DLG2: variants seen among roughly 807,000 people sequenced by gnomAD.
DLG2 encodes the protein discs large MAGUK scaffold protein 2.
DLG2 carries 45 observed loss-of-function variants against 132.5 expected under a neutral mutation model. The ratio of observed to expected loss-of-function variants is 0.34; its 90% CI spans 0.27 to 0.44. DLG2 has a LOEUF of 0.44. Ranked by LOEUF, DLG2 falls within the 20% of genes least tolerant of loss-of-function variation. The pLI, the probability that DLG2 is intolerant of heterozygous loss-of-function variation, is 1.00. For synonymous variants in DLG2, 424 were observed against 419.6 expected (o/e 1.01, Z -0.13); for missense variants, 1,045 against 1,196.9 (o/e 0.87, Z 1.87).
At chr11:84,797,146 C>T (rs2074743749) in intron 6 of DLG2, among the ~76,000 whole-genome samples, 1 of 152,072 alleles carries the variant, frequency 6.6e-6, no homozygotes, top group South Asian at 2.1e-4. Context: ...CATGCCCGGC[C>T]TATGATTTTT....
intron 20 of DLG2, among the ~76,000 whole-genome samples, chr11:83,535,088 C>T (rs1244657273): frequency 6.6e-6 from 1 of 152,202 alleles, no homozygotes; most frequent in Non-Finnish European, 1.5e-5. Context: ...GGAAAATGCT[C>T]ACTGATAAAA....
chr11:85,253,644 G>A (rs1314633863), intron 4 of DLG2, among the ~76,000 whole-genome samples: 1 of 152,172 alleles, frequency 6.6e-6, no homozygotes, highest in African/African-American at 2.4e-5. Flanking sequence ...CAGCTTAAGT[G>A]TTAACAGCTC....
chr11:84,107,011 T>TATGAGAGAGA (rs2093002990), intron 9 of DLG2, among the ~76,000 whole-genome samples: 1 of 107,176 alleles, frequency 9.3e-6, no homozygotes, highest in Admixed American at 9.5e-5. Context: ...TGTGTGTGTG[T>TATGAGAGAGA]GTGAGAGAGT....
At chr11:85,574,652 T>TACTGCAAGATCTGATTG (rs1491350691) in intron 3 of DLG2, among the ~76,000 whole-genome samples, 3 of 152,138 alleles carry the variant, frequency 2.0e-5, no homozygotes, top group African/African-American at 4.8e-5. Context: ...GGTAATGAGT[T>TACTGCAAGATCTGATTG]ACTGCAAGAT....
chr11:83,968,535 A>G (rs549092061), intron 12 of DLG2, among the ~76,000 whole-genome samples: 40 of 152,360 alleles, frequency 2.6e-4, no homozygotes, highest in Non-Finnish European at 4.9e-4. Flanking sequence ...AAAAATGATA[A>G]TCAATAATCA....
At chr11:83,783,585 ATCCACTAGTTCATCAAC>A (rs1240886193) in intron 18 of DLG2, among the ~76,000 whole-genome samples, 3 of 152,180 alleles carry the variant, frequency 2.0e-5, no homozygotes, top group African/African-American at 7.2e-5. Context: ...GTAGGCTTTT[ATCCACTAGTTCATCAAC>A]TCTTTAAGAA....
At position 83,883,676 on chromosome 11, in the gene DLG2, G is replaced by A. The variant is rs147542633; in HGVS notation, c.1497-9188C>T. Among the ~76,000 whole-genome samples, 1,332 of 152,182 alleles carry A rather than the reference G, an allele frequency of 8.8e-3. 19 individuals are homozygous for A. Among genetic ancestry groups the A allele is most frequent in the African/African-American group, 0.029 (1,218 of 41,526 alleles). ...GCAAAATATAGTGTTTTAACACAGCGGGCATATTCCTGCCTTTACTCATTT... is the reference window on the plus strand; with the variant it reads ...GCAAAATATAGTGTTTTAACACAGCAGGCATATTCCTGCCTTTACTCATTT... On this transcript the variant is annotated intron_variant, in intron 15 of 27. Coordinates refer to ENST00000376104, the MANE Select transcript of DLG2 (RefSeq NM_001142699.3).
rs148736990 is a variant in DLG2 at position 83,852,961 on chromosome 11, C to T, written c.1566-19191G>A. ...CCAAACTCTTCTTGAACATGGCATTCTTAAAGTTATTCATTAACTATTTCC... is the reference window on the plus strand; with the variant it reads ...CCAAACTCTTCTTGAACATGGCATTTTTAAAGTTATTCATTAACTATTTCC... On this transcript the variant is annotated intron_variant, in intron 16 of 27. Coordinates refer to ENST00000376104, the MANE Select transcript of DLG2 (RefSeq NM_001142699.3). 4.0e-3 allele frequency among the ~76,000 whole-genome samples: 610 copies of T among 152,278 alleles called. 5 individuals carry two copies. Among genetic ancestry groups the T allele is most frequent in the African/African-American group, 0.014 (588 of 41,554 alleles).
rs115092033 is a variant in DLG2, at chr11:85,305,829, T to C, written c.41-20464A>G. ...CGCCTGGCTGGATTTCTTTCTTTTA[T>C]ACTGTGAAAGGAAAACACAAAAATG... On this transcript the variant is annotated intron_variant, in intron 3 of 27. Transcript: ENST00000376104. Among the ~76,000 whole-genome samples, 553 of 152,298 alleles carry C rather than the reference T, an allele frequency of 3.6e-3. 6 individuals carry two copies. Among genetic ancestry groups the C allele is most frequent in the African/African-American group, 0.013 (526 of 41,566 alleles).
At chr11:84,191,236 A>G (rs546824514) in intron 8 of DLG2, among the ~76,000 whole-genome samples, 1 of 152,252 alleles carries the variant, frequency 6.6e-6, no homozygotes, top group East Asian at 1.9e-4. Flanking sequence ...TGTATAAAAC[A>G]TTTATATCAG....
intron 6 of DLG2, among the ~76,000 whole-genome samples, chr11:84,693,404 C>G (rs2058263655): frequency 6.6e-6 from 1 of 151,672 alleles, no homozygotes; most frequent in African/African-American, 2.4e-5. Context: ...AATGACATGT[C>G]ATGAAGGCAA....
chr11:84,041,318 C>T (rs2096073115), intron 11 of DLG2, among the ~76,000 whole-genome samples: 1 of 151,896 alleles, frequency 6.6e-6, no homozygotes, highest in East Asian at 1.9e-4. Context: ...GAAGTAGAAT[C>T]ACTATGCCAA....
chr11:84,993,007 A>G (rs534313850), intron 6 of DLG2, among the ~76,000 whole-genome samples: 1 of 152,344 alleles, frequency 6.6e-6, no homozygotes, highest in Admixed American at 6.5e-5. Context: ...ATACAATAGC[A>G]AAGACTTGGA....
chr11:84,430,067 T>G (rs1601964901), intron 7 of DLG2, among the ~76,000 whole-genome samples: 2 of 152,274 alleles, frequency 1.3e-5, no homozygotes, highest in East Asian at 3.9e-4. Context: ...TCAGTAAACC[T>G]GTTCCTGAAT....
chr11:84,731,788 TA>T (rs2063184760), intron 6 of DLG2, among the ~76,000 whole-genome samples: 1 of 152,034 alleles, frequency 6.6e-6, no homozygotes, highest in African/African-American at 2.4e-5. Flanking sequence ...AGAACTGACA[TA>T]AAATAAACTG....
chr11:84,361,987 A>G (rs2098652368), intron 7 of DLG2, among the ~76,000 whole-genome samples: 1 of 152,008 alleles, frequency 6.6e-6, no homozygotes, highest in South Asian at 2.1e-4. Flanking sequence ...ATGGGAGAAA[A>G]GAACAGAGGT....
intron 7 of DLG2, among the ~76,000 whole-genome samples, chr11:84,459,583 T>C (rs553243309): frequency 1.2e-4 from 18 of 150,644 alleles, no homozygotes; most frequent in Non-Finnish European, 2.1e-4. Flanking sequence ...TTCTGGAATA[T>C]GGGCTGCCCC....
At chr11:84,770,545 G>A (rs940895344) in intron 6 of DLG2, among the ~76,000 whole-genome samples, 6 of 151,978 alleles carry the variant, frequency 3.9e-5, no homozygotes, top group Non-Finnish European at 8.8e-5. Flanking sequence ...ACTTTTAAGT[G>A]AGAGCATGCA....
intron 17 of DLG2, among the ~76,000 whole-genome samples, chr11:83,818,357 A>T (rs2049699542): frequency 6.6e-6 from 1 of 152,154 alleles, no homozygotes; most frequent in African/African-American, 2.4e-5. Flanking sequence ...GGATCTGGGA[A>T]GGTCTTTCCA....
Sources: allele counts gnomAD v4.1 joint callset (sites outside exome capture counted in the v4.1 genomes callset), GRCh38; gene constraint gnomAD v4.1.1; transcripts MANE v1.5; gene names NCBI Gene and HGNC (gene_info 2026-07-23, HGNC 2026-07-21).